Variants in PLCB1 observed in about 807,000 individuals in gnomAD.
PLCB1 encodes the protein phospholipase C beta 1.
Under a neutral mutation model 161.8 loss-of-function variants are expected in PLCB1, and 46 were observed. The observed-to-expected ratio is 0.28, with a 90% confidence interval of 0.22 to 0.36. The LOEUF is 0.36. Among genes scored for constraint, PLCB1 ranks in the 10% least tolerant of loss-of-function variants. The pLI is 1.00. For synonymous variants in PLCB1, 517 were observed against 503.7 expected (o/e 1.03, Z -0.35); for missense variants, 1,016 against 1,472.5 (o/e 0.69, Z 5.07).
In PLCB1 at chr20:8,514,462, AGG is replaced by A. The variant is rs1984028296; in HGVS notation, c.247-113831_247-113830del. On this transcript the variant is annotated intron_variant, in intron 3 of 31. Transcript: ENST00000338037. The stretch of plus-strand genomic sequence containing the variant: ...TCCATCTCCAAAAAAAAAAAAAAAA[AGG>A]AAAAAAGAAACCAGCCTGGGCAACA... Among the ~76,000 whole-genome samples the A allele has an allele frequency of 6.4e-4, 95 of 149,146 alleles. No homozygotes were observed. In the East Asian group the frequency reaches 9.5e-3, roughly 15 times the overall value.
intron 3 of PLCB1, among the ~76,000 whole-genome samples, chr20:8,614,845 G>C (rs1008488875): frequency 4.6e-5 from 7 of 151,986 alleles, no homozygotes; most frequent in African/African-American, 9.7e-5. Context: ...TGACAGCACT[G>C]GTCTGGAAAG....
At chr20:8,622,493 CAA>C (rs1988213889) in intron 3 of PLCB1, among the ~76,000 whole-genome samples, 2 of 152,072 alleles carry the variant, frequency 1.3e-5, no homozygotes, top group Non-Finnish European at 2.9e-5. Flanking sequence ...TATGGAAATG[CAA>C]GAGAGCACAC....
intron 3 of PLCB1, among the ~76,000 whole-genome samples, chr20:8,526,866 T>C (rs1984605788): frequency 6.6e-6 from 1 of 152,134 alleles, no homozygotes; most frequent in African/African-American, 2.4e-5. Flanking sequence ...CAAAAAACTA[T>C]GCCTGGCAAT....
chr20:8,438,541 C>T (rs530468023), intron 3 of PLCB1, among the ~76,000 whole-genome samples: 418 of 152,328 alleles, frequency 2.7e-3, no homozygotes, highest in Non-Finnish European at 4.4e-3. Flanking sequence ...TATACCATCT[C>T]TAACATACTC....
chr20:8,169,761 G>T (rs6055590), intron 2 of PLCB1, among the ~76,000 whole-genome samples: 39,662 of 151,960 alleles, frequency 0.26, 5,872 homozygotes, highest in African/African-American at 0.41. Context: ...AGAGAGGACA[G>T]GGTGCGTGGT....
chr20:8,264,067 A>G (rs1934286044), intron 2 of PLCB1, among the ~76,000 whole-genome samples: 1 of 152,216 alleles, frequency 6.6e-6, no homozygotes, highest in South Asian at 2.1e-4. Context: ...TTGAAACACA[A>G]ACACATTGTA....
intron 3 of PLCB1, among the ~76,000 whole-genome samples, chr20:8,435,922 G>A (rs1270472563): frequency 6.6e-6 from 1 of 152,160 alleles, no homozygotes; most frequent in East Asian, 1.9e-4. Context: ...AAGATTTCAG[G>A]CATCTTTAAG....
At chr20:8,461,067 T>G (rs187638230) in intron 3 of PLCB1, among the ~76,000 whole-genome samples, 13 of 152,284 alleles carry the variant, frequency 8.5e-5, no homozygotes, top group Admixed American at 5.2e-4. Context: ...TTTATTTAGT[T>G]TAATTAATCT....
chr20:8,613,106 C>T (rs1021633588), intron 3 of PLCB1, among the ~76,000 whole-genome samples: 5 of 152,070 alleles, frequency 3.3e-5, no homozygotes, highest in African/African-American at 7.2e-5. Flanking sequence ...TGTAAATGCT[C>T]GTCTCTTTAT....
At chr20:8,766,276 T>G (rs1982310231) in intron 26 of PLCB1, among the ~76,000 whole-genome samples, 1 of 152,118 alleles carries the variant, frequency 6.6e-6, no homozygotes, top group Non-Finnish European at 1.5e-5. Flanking sequence ...CAGGCTGTGA[T>G]GAGGACTATC....
chr20:8,760,476 T>C lies in PLCB1; in HGVS notation c.2710+16T>C, dbSNP rs1981964272. 1 of 1,596,720 alleles carries C rather than the reference T, an allele frequency of 6.3e-7. No homozygotes were observed. Among genetic ancestry groups the C allele is most frequent in the African/African-American group, 1.3e-5 (1 of 74,586 alleles). ...GTCTTAACAGGTAAATGCCACCCTT[T>C]CCCCCCATGGAATTAAGCAGCTCAG... On this transcript the variant is annotated intron_variant, in intron 25 of 31. Transcript: ENST00000338037.
intron 3 of PLCB1, among the ~76,000 whole-genome samples, chr20:8,448,288 G>T (rs933833896): frequency 6.6e-6 from 1 of 152,138 alleles, no homozygotes; most frequent in South Asian, 2.1e-4. Context: ...AATTGAGCAG[G>T]CTCTGGAAAC....
At chr20:8,690,716 C>G (rs1451224909) in intron 10 of PLCB1, among the ~76,000 whole-genome samples, 5 of 152,132 alleles carry the variant, frequency 3.3e-5, no homozygotes, top group Non-Finnish European at 7.4e-5. Flanking sequence ...ATTTGTTAGT[C>G]TTACAAAAGT....
At chr20:8,399,567 A>G (rs1978454171) in intron 3 of PLCB1, among the ~76,000 whole-genome samples, 1 of 152,162 alleles carries the variant, frequency 6.6e-6, no homozygotes, top group South Asian at 2.1e-4. Context: ...TAACAAAACA[A>G]TTAGAAATTG....
rs1260536600 is a variant in PLCB1, at chr20:8,735,298, A to AAAACAATG, written c.2044-1728_2044-1721dup. Among the ~76,000 whole-genome samples the AAAACAATG allele has an allele frequency of 2.6e-5, 4 of 152,312 alleles. No individual in the cohort carries two copies. In the East Asian group the frequency reaches 7.7e-4, roughly 29 times the overall value. On this transcript the variant is annotated intron_variant, in intron 19 of 31. Transcript: ENST00000338037. ...TCCTACTGTGACAGTAAGCAATTATAAAACAATGACACAGAGGCAGGAAAG... is the reference window on the plus strand; with the variant it reads ...TCCTACTGTGACAGTAAGCAATTATAAAACAATGAAACAATGACACAGAGGCAGGAAAG...
intron 3 of PLCB1, among the ~76,000 whole-genome samples, chr20:8,617,172 A>T (rs977244152): frequency 6.6e-6 from 1 of 152,216 alleles, no homozygotes; most frequent in Non-Finnish European, 1.5e-5. Context: ...CCACCTGTAA[A>T]TGTAACTGGC....
chr20:8,509,203 T>G (rs955425190), intron 3 of PLCB1, among the ~76,000 whole-genome samples: 4 of 152,198 alleles, frequency 2.6e-5, no homozygotes, highest in African/African-American at 9.7e-5. Context: ...AATAATATTT[T>G]GGGGCTTTGT....
rs188910699 is a variant in PLCB1, at chr20:8,756,698, C to T, written c.2524-348C>T. Among the ~76,000 whole-genome samples the T allele has an allele frequency of 1.4e-3, 218 of 152,206 alleles. 1 individual carries two copies. Among genetic ancestry groups the T allele is most frequent in the Non-Finnish European group, 2.3e-3 (158 of 68,018 alleles). ...TCATCCTCCATTGCTATAATAGGAC[C>T]CTGAGAAACAGTGGAAAAATTTGCA... On this transcript the variant is annotated intron_variant, in intron 23 of 31. Coordinates refer to ENST00000338037, the MANE Select transcript of PLCB1 (RefSeq NM_015192.4).
intron 3 of PLCB1, among the ~76,000 whole-genome samples, chr20:8,510,883 A>G (rs1014319109): frequency 1.3e-5 from 2 of 152,208 alleles, no homozygotes; most frequent in Non-Finnish European, 2.9e-5. Flanking sequence ...GCAAATAATG[A>G]TTACATATGT....
Sources: allele counts gnomAD v4.1 joint callset (sites outside exome capture counted in the v4.1 genomes callset), GRCh38; gene constraint gnomAD v4.1.1; transcripts MANE v1.5; gene names NCBI Gene and HGNC (gene_info 2026-07-23, HGNC 2026-07-21).